The following CAPN14 variants were observed in gnomAD, a reference collection of about 807,000 sequenced individuals.
CAPN14 encodes the protein calpain-14.
In CAPN14, 94 loss-of-function variants were observed where a neutral mutation model predicts 101.3. The observed-to-expected ratio is 0.93, with a 90% CI of 0.79 to 1.10. The LOEUF is 1.10. Among genes scored for constraint, CAPN14 ranks in the 50% least tolerant of loss-of-function variants. The pLI is 0.00. For synonymous variants in CAPN14, 338 were observed against 317.9 expected, an observed-to-expected ratio of 1.06 and a Z score of -0.67; for missense variants, 837 against 828.4, an observed-to-expected ratio of 1.01 and a Z score of -0.13.
chr2:31,209,289 T>C (rs967952389), intron 1 of CAPN14, among the ~76,000 whole-genome samples: 1 of 152,136 alleles, frequency 6.6e-6, no homozygotes, highest in Non-Finnish European at 1.5e-5. Context: ...AATTTATTTA[T>C]ACTCAGGAAG....
chr2:31,220,700 A>C (rs1682837684), upstream of CAPN14, among the ~76,000 whole-genome samples: 1 of 152,202 alleles, frequency 6.6e-6, no homozygotes, highest in African/African-American at 2.4e-5. Context: ...GTGGTGGCAC[A>C]CATCTGTAAT....
rs532403679 is a variant in CAPN14 at position 31,202,192 on chromosome 2, C to T, written c.356G>A (p.Arg119Gln). 64 of 1,551,794 alleles carry T rather than the reference C, an allele frequency of 4.1e-5. No homozygotes were observed. The highest frequency in any genetic ancestry group is 1.5e-4 in the South Asian group (13 of 84,068). Residue 119 changes from arginine (R) to glutamine (Q), a missense_variant, in exon 4 of 22, where the codon CGG becomes CAG. Coordinates refer to ENST00000403897, the MANE Select transcript of CAPN14 (RefSeq NM_001145122.2). The part of the protein sequence containing the change: ...ALALHQDILS[R>Q]VVPLNQSFTE... ...GAAACTCTGATTCAGGGGAACAACC[C>T]GGCTCAGGATGTCCTGGTGCAAGGC...
intron 1 of CAPN14, among the ~76,000 whole-genome samples, chr2:31,206,265 C>T (rs1025213315): frequency 1.3e-5 from 2 of 152,056 alleles, no homozygotes; most frequent in Admixed American, 6.5e-5. Flanking sequence ...AGCTGCGCTC[C>T]GGGTCAAGGG....
chr2:31,188,296 G>A, intron 14 of CAPN14, 22 bp downstream of exon 14: 1 of 1,549,734 alleles, frequency 6.5e-7, no homozygotes, highest in Non-Finnish European at 8.7e-7. Context: ...CCAGCCATAT[G>A]GAATTCCACC....
intron 1 of CAPN14, among the ~76,000 whole-genome samples, chr2:31,229,380 C>A (rs1683121075): frequency 6.6e-6 from 1 of 152,006 alleles, no homozygotes; most frequent in African/African-American, 2.4e-5. Context: ...GAAAAAAATT[C>A]CAACTTTGTG....
intron 17 of CAPN14, among the ~76,000 whole-genome samples, chr2:31,180,041 C>T (rs1371521714): frequency 6.6e-6 from 1 of 152,084 alleles, no homozygotes; most frequent in Non-Finnish European, 1.5e-5. Flanking sequence ...TAATGGTTGG[C>T]TTTGTAGACC....
chr2:31,177,817 A>T lies in CAPN14; in HGVS notation c.1784T>A (p.Val595Asp). The T allele has an allele frequency of 6.4e-7, 1 of 1,551,644 alleles. No homozygotes were observed. The change falls in exon 19 of 22, where the codon GTT becomes GAT. Residue 595 changes from valine to aspartate, a missense_variant. By Grantham distance (152) the Val-to-Asp change is radical (BLOSUM62 -3). Coordinates refer to ENST00000403897, the MANE Select transcript of CAPN14 (RefSeq NM_001145122.2). ...TGACCCACGGTCTTGCTTGTGGAAA[A>T]CCTTCTGCAAAGAACCAAATAAGAG... Reference protein sequence around the residue: ...LWKQLKLSQKVFHKQDRGSGY... With the variant: ...LWKQLKLSQKDFHKQDRGSGY...
At position 31,205,279 on chromosome 2, in the gene CAPN14, C is replaced by G. The variant is rs1438734169; in HGVS notation, c.169G>C (p.Gly57Arg). 6.5e-6 allele frequency: 10 copies of G among 1,550,090 alleles called. No individual in the cohort carries two copies. The highest frequency in any genetic ancestry group is 5.9e-5 in the Admixed American group (3 of 50,990). The change falls in exon 2 of 22, where the codon GGC becomes CGC. Residue 57 changes from glycine (G) to arginine (R), a missense_variant. Physicochemically the swap from Gly to Arg is moderately radical, Grantham distance 125. Transcript: ENST00000403897. ...AGCTTCTGCAGCAGGGAGCCACTGC[C>G]GATGGAGCTCAGGGTGGCCGGGAAG... is the stretch of plus-strand genomic sequence containing the variant. The part of the protein sequence containing the change: ...TSFPATLSSI[G>R]SGSLLQKLPP...
chr2:31,202,162 T>C lies in CAPN14; in HGVS notation c.386A>G (p.Glu129Gly). ...RVVPLNQSFT[E>G]KYAGIFRFWF... ...GAACCGGAAGATGCCAGCATACTTC[T>C]CAGTGAAACTCTGATTCAGGGGAAC... The change falls in exon 4 of 22, where the codon GAG becomes GGG. Residue 129 changes from glutamate (E) to glycine (G), a missense_variant. By Grantham distance (98) the Glu-to-Gly change is moderately conservative (BLOSUM62 -2). Coordinates refer to ENST00000403897, the MANE Select transcript of CAPN14 (RefSeq NM_001145122.2). 1 of 1,551,882 alleles carries C rather than the reference T, an allele frequency of 6.4e-7. No homozygotes were observed. Among genetic ancestry groups the C allele is most frequent in the Admixed American group, 2.0e-5 (1 of 51,008 alleles).
chr2:31,180,222 G>A lies in CAPN14; in HGVS notation c.1710+714C>T, dbSNP rs1289753060. 2.0e-5 allele frequency among the ~76,000 whole-genome samples: 3 copies of A among 152,136 alleles called. No homozygotes were observed. In the East Asian group the frequency reaches 5.8e-4, roughly 29 times the overall value. On this transcript the variant is annotated intron_variant, in intron 17 of 21. Coordinates refer to ENST00000403897, the MANE Select transcript of CAPN14 (RefSeq NM_001145122.2). ...GTGATGAAATGAGCGCTTGGAGAGG[G>A]TCTGATCTTGTTCAAGTTCATACAG...
At chr2:31,177,907 A>G in intron 18 of CAPN14, 86 bp from the exon 19 acceptor site, 1 of 924,042 alleles carries the variant, frequency 1.1e-6, no homozygotes, top group Non-Finnish European at 1.7e-6. Context: ...TCAGCACCGC[A>G]GAGGGGCTGT....
chr2:31,173,528 G>A lies in CAPN14; in HGVS notation c.*1153C>T, dbSNP rs911154353. On this transcript the variant is annotated 3_prime_UTR_variant, in exon 22 of 22. Coordinates refer to ENST00000403897, the MANE Select transcript of CAPN14 (RefSeq NM_001145122.2). ...CTCTTAACTAAAATGCTTGGGACCA[G>A]AAGTGTTTCAGATTTCAGGATATCT... is the stretch of plus-strand genomic sequence containing the variant. 3.9e-5 allele frequency: 6 copies of A among 152,214 alleles called. No homozygotes were observed. The highest frequency in any genetic ancestry group is 1.4e-4 in the African/African-American group (6 of 41,462). 9.4% of individuals were successfully genotyped at this position (152,214 alleles called of 1,614,324 possible). A position where few individuals can be genotyped will look rare whatever the true frequency, so the allele number is the denominator to read the frequency against.
At chr2:31,220,575 A>C (rs1682832788), upstream of CAPN14, among the ~76,000 whole-genome samples, 2 of 152,210 alleles carry the variant, frequency 1.3e-5, no homozygotes, top group Admixed American at 1.3e-4. Context: ...CTGTAATCCC[A>C]ACACTTTGGG....
At chr2:31,191,907 T>G in intron 11 of CAPN14, 28 bp downstream of exon 11, 6 of 1,520,366 alleles carry the variant, frequency 3.9e-6, no homozygotes, top group Non-Finnish European at 5.3e-6. Context: ...CTTGGTCCCA[T>G]GCCCCTGTGG....
intron 16 of CAPN14, among the ~76,000 whole-genome samples, chr2:31,181,386 T>TTCTTTCTTTC (rs1171284901): frequency 2.3e-5 from 3 of 131,202 alleles, no homozygotes; most frequent in Non-Finnish European, 3.2e-5. Flanking sequence ...TCTTTTCTTT[T>TTCTTTCTTTC]TTTCTTTCTT....
chr2:31,187,743 A>T lies in CAPN14; in HGVS notation c.1587+15T>A. 2 of 1,549,762 alleles carry T rather than the reference A, an allele frequency of 1.3e-6. No homozygotes were observed. The highest frequency in any genetic ancestry group is 8.7e-7 in the Non-Finnish European group (1 of 1,145,194). ...CCTGCTCTTCCTCACCCCCCACCAC[A>T]CCTGTTCAACTAACCTTTTCAAAGA... is the stretch of plus-strand genomic sequence containing the variant. On this transcript the variant is annotated intron_variant, in intron 15 of 21. Coordinates refer to ENST00000403897, the MANE Select transcript of CAPN14 (RefSeq NM_001145122.2).
upstream of CAPN14, among the ~76,000 whole-genome samples, chr2:31,221,137 C>T (rs753627373): frequency 1.9e-4 from 29 of 152,156 alleles, no homozygotes; most frequent in Non-Finnish European, 3.1e-4. Context: ...GAAAAATATT[C>T]GTTAAGAAAT....
At chr2:31,177,946 G>A (rs1314715646) in intron 18 of CAPN14, 125 bp from the exon 19 acceptor site, 1 of 700,936 alleles carries the variant, frequency 1.4e-6, no homozygotes, top group Non-Finnish European at 2.6e-6. Context: ...CACATGCAGG[G>A]CCTGTTGCCA....
intron 15 of CAPN14, 65 bp from the exon 16 acceptor site, chr2:31,186,550 G>C: frequency 8.1e-7 from 1 of 1,229,826 alleles, no homozygotes; most frequent in Non-Finnish European, 1.1e-6. Context: ...ATGGCAGAGG[G>C]GTCATATGAC....
Sources: gnomAD v4.1 joint callset for allele counts (sites outside exome capture counted in the v4.1 genomes callset) on GRCh38, gnomAD v4.1.1 for gene constraint, MANE v1.5 for transcripts, NCBI Gene and HGNC (gene_info 2026-07-23, HGNC 2026-07-21) for gene names.